RIMS2: variants seen among roughly 807,000 people sequenced by gnomAD.
The protein encoded by RIMS2 is regulating synaptic membrane exocytosis protein 2.
A neutral mutation model predicts 174.4 loss-of-function variants in RIMS2; 59 were observed. The ratio of observed to expected loss-of-function variants is 0.34; its 90% confidence interval spans 0.27 to 0.42. RIMS2 has a LOEUF of 0.42. RIMS2 is among the 10% of genes least tolerant of loss of function. RIMS2 has a pLI of 1.00. For synonymous variants in RIMS2, 606 were observed against 572.5 expected, an observed-to-expected ratio of 1.06 and a Z score of -0.84; for missense variants, 1,620 against 1,666.3, an observed-to-expected ratio of 0.97 and a Z score of 0.48.
intron 17 of RIMS2, among the ~76,000 whole-genome samples, chr8:104,002,683 A>G (rs1002827787): frequency 6.6e-6 from 1 of 152,154 alleles, no homozygotes; most frequent in African/African-American, 2.4e-5. Flanking sequence ...AACTTTCTAA[A>G]TGAATGGGAT....
intron 17 of RIMS2, among the ~76,000 whole-genome samples, chr8:103,999,670 T>C (rs946604011): frequency 2.6e-5 from 4 of 151,892 alleles, no homozygotes; most frequent in Middle Eastern, 3.4e-3. Context: ...TCTCTTCATT[T>C]CATGCTAAGT....
chr8:104,041,054 A>G (rs1324619317), intron 19 of RIMS2, among the ~76,000 whole-genome samples: 2 of 151,726 alleles, frequency 1.3e-5, no homozygotes. Context: ...TGCTGTACGT[A>G]AATAATTGTA....
intron 1 of RIMS2, among the ~76,000 whole-genome samples, chr8:103,516,722 T>C (rs1032309450): frequency 2.8e-4 from 42 of 151,864 alleles, no homozygotes; most frequent in African/African-American, 9.7e-4. Flanking sequence ...AAATAAATGT[T>C]TTACATGTGT....
At chr8:103,787,815 C>T (rs1564632436) in intron 3 of RIMS2, among the ~76,000 whole-genome samples, 1 of 152,038 alleles carries the variant, frequency 6.6e-6, no homozygotes, top group Non-Finnish European at 1.5e-5. Context: ...TGAACGTTGG[C>T]CTGCCTTGCT....
At chr8:103,848,942 T>TA (rs1010766057) in intron 3 of RIMS2, among the ~76,000 whole-genome samples, 2 of 152,096 alleles carry the variant, frequency 1.3e-5, no homozygotes, top group Non-Finnish European at 2.9e-5. Flanking sequence ...TTGACTCTCA[T>TA]ACTTTGATTT....
At chr8:103,873,501 A>C (rs1415042392) in intron 3 of RIMS2, among the ~76,000 whole-genome samples, 1 of 152,014 alleles carries the variant, frequency 6.6e-6, no homozygotes, top group Non-Finnish European at 1.5e-5. Context: ...TCTGTTTCTG[A>C]ATTAGGTTAG....
At chr8:103,545,319 T>C (rs1451716152) in intron 1 of RIMS2, among the ~76,000 whole-genome samples, 1 of 149,894 alleles carries the variant, frequency 6.7e-6, no homozygotes, top group Non-Finnish European at 1.5e-5. Flanking sequence ...AGAAAGAAAT[T>C]AAAAACAAAA....
chr8:104,036,272 T>A (rs1364813497), intron 19 of RIMS2, among the ~76,000 whole-genome samples: 1 of 151,896 alleles, frequency 6.6e-6, no homozygotes, highest in Non-Finnish European at 1.5e-5. Context: ...TGCCTCAGCC[T>A]CCCATGTAGC....
chr8:103,664,205 G>A (rs1040122947), intron 1 of RIMS2, among the ~76,000 whole-genome samples: 26 of 152,164 alleles, frequency 1.7e-4, no homozygotes, highest in Non-Finnish European at 1.5e-4. Context: ...ATACCATTCA[G>A]GACATAGGCA....
chr8:103,936,335 T>C (rs1336505862), intron 12 of RIMS2, among the ~76,000 whole-genome samples: 1 of 152,156 alleles, frequency 6.6e-6, no homozygotes, highest in Non-Finnish European at 1.5e-5. Context: ...TTAACATTTA[T>C]TGAAACATTG....
chr8:103,590,744 T>G (rs1349915354), intron 1 of RIMS2, among the ~76,000 whole-genome samples: 1 of 151,228 alleles, frequency 6.6e-6, no homozygotes, highest in Non-Finnish European at 1.5e-5. Flanking sequence ...CTATGTAGAC[T>G]ATATTCTTCT....
chr8:103,857,590 CA>C (rs1314935410), intron 3 of RIMS2, among the ~76,000 whole-genome samples: 1 of 149,294 alleles, frequency 6.7e-6, no homozygotes, highest in African/African-American at 2.5e-5. Context: ...AGTTTAATCT[CA>C]AAGTAGTTGT....
intron 1 of RIMS2, among the ~76,000 whole-genome samples, chr8:103,684,268 T>G (rs1461100271): frequency 6.6e-6 from 1 of 152,174 alleles, no homozygotes; most frequent in Non-Finnish European, 1.5e-5. Context: ...TCCCAGAATG[T>G]CATATAAATG....
chr8:103,706,028 G>A (rs1211068572), intron 2 of RIMS2, among the ~76,000 whole-genome samples: 1 of 150,222 alleles, frequency 6.7e-6, no homozygotes, highest in South Asian at 2.1e-4. Context: ...TTTTTTTCCT[G>A]GTATTATATT....
At chr8:103,876,251 C>T (rs1331362243) in intron 3 of RIMS2, among the ~76,000 whole-genome samples, 4 of 151,852 alleles carry the variant, frequency 2.6e-5, no homozygotes, top group African/African-American at 9.7e-5. Context: ...ATATTTAAGT[C>T]TTTAATCCAT....
intron 3 of RIMS2, among the ~76,000 whole-genome samples, chr8:103,786,211 C>T (rs1031052807): frequency 6.1e-4 from 91 of 148,422 alleles, no homozygotes; most frequent in Middle Eastern, 3.4e-3. Context: ...TTGATCCTTT[C>T]AAAAAACCAG....
Position 103,996,553 on chromosome 8 carries a change from A to T in RIMS2, c.3044+7132A>T, listed in dbSNP as rs1270021060. On this transcript the variant is annotated intron_variant, in intron 17 of 23. Coordinates refer to ENST00000504942, the Ensembl canonical transcript of RIMS2. ...ATGTGTTGGAATATAAGATCAGGAA[A>T]TGAATCTTGGGAAAATCACTGCCTC... is the stretch of plus-strand genomic sequence containing the variant. 2.0e-5 allele frequency among the ~76,000 whole-genome samples: 3 copies of T among 152,110 alleles called. No individual in the cohort carries two copies. In the East Asian group the frequency reaches 5.8e-4, roughly 29 times the overall value.
intron 3 of RIMS2, among the ~76,000 whole-genome samples, chr8:103,790,673 G>A (rs1432987782): frequency 6.6e-6 from 1 of 152,134 alleles, no homozygotes; most frequent in Non-Finnish European, 1.5e-5. Flanking sequence ...GACCAGTGAT[G>A]TTGAGCATCT....
At chr8:103,596,234 A>G (rs987508612) in intron 1 of RIMS2, among the ~76,000 whole-genome samples, 2 of 152,086 alleles carry the variant, frequency 1.3e-5, no homozygotes, top group Admixed American at 6.6e-5. Flanking sequence ...TTAAGTTGGT[A>G]TGTGTTTACA....
Sources: gnomAD v4.1 joint callset for allele counts (sites outside exome capture counted in the v4.1 genomes callset) on GRCh38, gnomAD v4.1.1 for gene constraint, MANE v1.5 for transcripts, NCBI Gene and HGNC (gene_info 2026-07-23, HGNC 2026-07-21) for gene names.